Variants in ARL15 observed in about 807,000 individuals in gnomAD.
ARL15 encodes ARF like GTPase 15.
In ARL15, 19 loss-of-function variants were observed where a neutral mutation model predicts 25.2. That is an observed-to-expected ratio of 0.75 (90% CI 0.53 to 1.10). The LOEUF (loss-of-function observed/expected upper bound fraction) is 1.10. ARL15 is among the 50% of genes least tolerant of loss of function. The pLI, the probability that ARL15 is intolerant of heterozygous loss-of-function variation, is 0.00. For missense variants in ARL15, 220 were observed against 246.0 expected (o/e 0.89, Z 0.71); for synonymous variants, 94 against 86.8 (o/e 1.08, Z -0.46).
chr5:54,242,270 A>G (rs553875235), intron 1 of ARL15, among the ~76,000 whole-genome samples: 2 of 152,328 alleles, frequency 1.3e-5, no homozygotes, highest in South Asian at 4.1e-4. Flanking sequence ...AATAATAACA[A>G]ATATTTAGGG....
intron 1 of ARL15, among the ~76,000 whole-genome samples, chr5:54,210,001 G>A (rs1017015127): frequency 3.9e-5 from 6 of 152,144 alleles, no homozygotes; most frequent in African/African-American, 7.2e-5. Flanking sequence ...GAAAAAGGAA[G>A]AAAAGGTGAA....
intron 2 of ARL15, among the ~76,000 whole-genome samples, chr5:54,166,374 T>C (rs1308601939): frequency 6.6e-6 from 1 of 152,052 alleles, no homozygotes; most frequent in Non-Finnish European, 1.5e-5. Flanking sequence ...TATTTATTTA[T>C]TTATTTGTAG....
At chr5:54,224,511 A>T (rs1244848288) in intron 1 of ARL15, among the ~76,000 whole-genome samples, 1 of 152,232 alleles carries the variant, frequency 6.6e-6, no homozygotes, top group Admixed American at 6.5e-5. Flanking sequence ...TCAATGACTC[A>T]ACTATGGGAG....
At chr5:54,302,619 T>C (rs930264303) in intron 1 of ARL15, among the ~76,000 whole-genome samples, 11 of 151,050 alleles carry the variant, frequency 7.3e-5, no homozygotes, top group Admixed American at 2.7e-4. Flanking sequence ...AAATCTGAAC[T>C]GGCCTTATAA....
chr5:54,127,375 C>T (rs1753292499), intron 3 of ARL15, among the ~76,000 whole-genome samples: 1 of 152,148 alleles, frequency 6.6e-6, no homozygotes, highest in African/African-American at 2.4e-5. Context: ...ACACCAATAA[C>T]AGACAAACAG....
chr5:54,049,390 G>A (rs899599236), intron 4 of ARL15, among the ~76,000 whole-genome samples: 3 of 151,928 alleles, frequency 2.0e-5, no homozygotes, highest in African/African-American at 7.3e-5. Flanking sequence ...GCAGGCATGA[G>A]CCACCATGCC....
At chr5:54,282,786 T>C (rs1315494363) in intron 1 of ARL15, among the ~76,000 whole-genome samples, 1 of 152,186 alleles carries the variant, frequency 6.6e-6, no homozygotes, top group Admixed American at 6.5e-5. Flanking sequence ...CATAGTTAAA[T>C]GCTGAAAGTT....
rs143340994 is a variant in ARL15, at chr5:54,089,461, G to A, written c.462+23741C>T. Among the ~76,000 whole-genome samples the A allele has an allele frequency of 1.1e-3, 171 of 152,232 alleles. 1 individual carries two copies. The highest frequency in any genetic ancestry group is 3.8e-3 in the African/African-American group (158 of 41,532). On this transcript the variant is annotated intron_variant, in intron 4 of 4. Coordinates refer to ENST00000504924, the MANE Select transcript of ARL15 (RefSeq NM_019087.3). ...TCCCCATAATTATGGAAAAGCATTTGATAAACTTCCTCATCCATTCATAAT... is the reference window on the plus strand; with the variant it reads ...TCCCCATAATTATGGAAAAGCATTTAATAAACTTCCTCATCCATTCATAAT...
chr5:54,263,245 C>T (rs1186241767), intron 1 of ARL15, among the ~76,000 whole-genome samples: 1 of 151,996 alleles, frequency 6.6e-6, no homozygotes, highest in East Asian at 1.9e-4. Flanking sequence ...AATAACACAA[C>T]TGTAATTAAT....
chr5:54,098,370 C>G (rs2112168733), intron 4 of ARL15, among the ~76,000 whole-genome samples: 1 of 152,316 alleles, frequency 6.6e-6, no homozygotes, highest in African/African-American at 2.4e-5. Flanking sequence ...CCCCCTGCTT[C>G]TCTTTTCTCC....
At chr5:53,997,289 T>G (rs1748712271) in intron 4 of ARL15, among the ~76,000 whole-genome samples, 1 of 152,214 alleles carries the variant, frequency 6.6e-6, no homozygotes, top group South Asian at 2.1e-4. Context: ...TCTTCATTTC[T>G]TGATATGTGC....
In ARL15 at chr5:54,171,794, C is replaced by T. The variant is rs1288164929; in HGVS notation, c.183G>A (p.Val61=). Residue 61 remains valine, a synonymous_variant, in exon 2 of 5, where the codon GTG becomes GTA. Coordinates refer to ENST00000504924, the MANE Select transcript of ARL15 (RefSeq NM_019087.3). ...KLCSESPDNV[V]STTGFSIKAV... is the part of the protein sequence containing the mutation. ...CAGCACAGTACCCACCTGTGGTCGA[C>T]ACGACGTTATCGGGGCTTTCACTGC... 5 of 1,612,456 alleles carry T rather than the reference C, an allele frequency of 3.1e-6. No individual in the cohort carries two copies. The highest frequency in any genetic ancestry group is 2.2e-5 in the East Asian group (1 of 44,792).
chr5:54,052,179 C>T (rs530969220), intron 4 of ARL15, among the ~76,000 whole-genome samples: 1 of 151,820 alleles, frequency 6.6e-6, no homozygotes, highest in East Asian at 1.9e-4. Flanking sequence ...GGAGGTGAAA[C>T]TATTATGTAT....
intron 4 of ARL15, among the ~76,000 whole-genome samples, chr5:53,936,480 G>A (rs915837288): frequency 6.6e-6 from 1 of 152,166 alleles, no homozygotes; most frequent in Non-Finnish European, 1.5e-5. Flanking sequence ...GAATCTTGGG[G>A]TAATTGCAGG....
chr5:53,970,587 T>C (rs993450129), intron 4 of ARL15, among the ~76,000 whole-genome samples: 96 of 152,154 alleles, frequency 6.3e-4, no homozygotes, highest in African/African-American at 2.2e-3. Context: ...AATGACACAG[T>C]TGCTTGGTTT....
At chr5:54,134,707 C>T (rs1753548490) in intron 3 of ARL15, among the ~76,000 whole-genome samples, 1 of 150,278 alleles carries the variant, frequency 6.7e-6, no homozygotes, top group African/African-American at 2.4e-5. Context: ...GCCTCAGCCT[C>T]CAGAGTAGCT....
chr5:54,026,252 T>C (rs1352087635), intron 4 of ARL15, among the ~76,000 whole-genome samples: 1 of 152,102 alleles, frequency 6.6e-6, no homozygotes, highest in African/African-American at 2.4e-5. Context: ...ATACCAAAAT[T>C]ATAGCTTTCA....
At chr5:54,076,234 G>T (rs1468497143) in intron 4 of ARL15, among the ~76,000 whole-genome samples, 1 of 149,956 alleles carries the variant, frequency 6.7e-6, no homozygotes, top group African/African-American at 2.4e-5. Flanking sequence ...GGCTAATACA[G>T]TGAAACCCCA....
At chr5:54,190,761 T>C (rs1317386359) in intron 1 of ARL15, among the ~76,000 whole-genome samples, 2 of 152,162 alleles carry the variant, frequency 1.3e-5, no homozygotes, top group African/African-American at 2.4e-5. Flanking sequence ...GGGGAGGACA[T>C]GCACATTCAA....
Sources: gnomAD v4.1 joint callset for allele counts (sites outside exome capture counted in the v4.1 genomes callset) on GRCh38, gnomAD v4.1.1 for gene constraint, MANE v1.5 for transcripts, NCBI Gene and HGNC (gene_info 2026-07-23, HGNC 2026-07-21) for gene names.